The following ZNF536 variants were observed in gnomAD, a reference collection of about 807,000 sequenced individuals.
ZNF536 encodes zinc finger protein 536.
ZNF536 carries 13 observed loss-of-function variants against 84.5 expected under a neutral mutation model. The ratio of observed to expected loss-of-function variants is 0.15; its 90% CI spans 0.10 to 0.24. The LOEUF is 0.24. Ranked by LOEUF, ZNF536 falls within the 10% of genes least tolerant of loss-of-function variation. The probability of loss-of-function intolerance (pLI) is 1.00; values close to 1 mark genes in which losing one functional copy is unlikely to be tolerated. For synonymous variants in ZNF536, 811 were observed against 742.5 expected (o/e 1.09, Z -1.50); for missense variants, 1,536 against 1,747.5 (o/e 0.88, Z 2.16).
At chr19:30,522,896 G>A (rs1276093998) in intron 2 of ZNF536, among the ~76,000 whole-genome samples, 2 of 152,170 alleles carry the variant, frequency 1.3e-5, no homozygotes, top group Non-Finnish European at 2.9e-5. Context: ...GCAACCGTTA[G>A]TATCATCTGG....
chr19:30,237,308 A>G (rs1287771124), intron 1 of ZNF536, among the ~76,000 whole-genome samples: 1 of 152,038 alleles, frequency 6.6e-6, no homozygotes, highest in Non-Finnish European at 1.5e-5. Context: ...AGACTTTCGC[A>G]TTGGAATCTG....
intron 2 of ZNF536, among the ~76,000 whole-genome samples, chr19:30,455,979 A>G (rs936624707): frequency 3.3e-5 from 5 of 152,204 alleles, no homozygotes; most frequent in Non-Finnish European, 7.3e-5. Flanking sequence ...TTTTCCTGTA[A>G]AGAACCAGCT....
intron 2 of ZNF536, among the ~76,000 whole-genome samples, chr19:30,502,314 AGGGTAGGGCTGGCTG>A (rs1024539131): frequency 4.6e-5 from 7 of 152,154 alleles, no homozygotes; most frequent in Non-Finnish European, 1.0e-4. Context: ...CTCTGGAACA[AGGGTAGGGCTGGCTG>A]GCAGTGTGGG....
chr19:30,392,863 C>G (rs2049656421), intron 1 of ZNF536, among the ~76,000 whole-genome samples: 1 of 152,130 alleles, frequency 6.6e-6, no homozygotes, highest in Non-Finnish European at 1.5e-5. Context: ...GGTGCACGCT[C>G]ATTTAATTTT....
At chr19:30,301,323 G>A (rs1048152746) in intron 2 of ZNF536, among the ~76,000 whole-genome samples, 4 of 152,200 alleles carry the variant, frequency 2.6e-5, no homozygotes, top group Non-Finnish European at 5.9e-5. Flanking sequence ...CGTGCACTGT[G>A]CCTCTGAGCC....
At chr19:30,662,106 T>C (rs76326052) in intron 1 of ZNF536, among the ~76,000 whole-genome samples, 3,098 of 152,332 alleles carry the variant, frequency 0.02, 104 homozygotes, top group African/African-American at 0.071. Flanking sequence ...GTCCCTCCGA[T>C]GCCATCTCCT....
chr19:30,365,658 G>A (rs2048405338), intron 3 of ZNF536, among the ~76,000 whole-genome samples: 1 of 152,174 alleles, frequency 6.6e-6, no homozygotes. Flanking sequence ...GGCACTCCCT[G>A]TGAGGCTCTG....
At chr19:30,528,917 G>A (rs2044694711) in intron 2 of ZNF536, among the ~76,000 whole-genome samples, 1 of 146,466 alleles carries the variant, frequency 6.8e-6, no homozygotes. Flanking sequence ...CGGGGAGAAT[G>A]AGAGGCCAAA....
intron 1 of ZNF536, among the ~76,000 whole-genome samples, chr19:30,261,650 G>A: frequency 7.1e-6 from 1 of 140,256 alleles, no homozygotes; most frequent in Non-Finnish European, 1.5e-5. Flanking sequence ...AGTGAGCTAT[G>A]ATCGCACCAC....
Position 30,236,268 on chromosome 19 carries a change from G to C in ZNF536, c.-190+7595G>C, listed in dbSNP as rs73543124. Reference sequence around the variant, plus strand: ...GTACTGAGGACTTGCATGTAGCTGGGAACAGTCTGAAGCCACAGCCTGCCT... The same window carrying C: ...GTACTGAGGACTTGCATGTAGCTGGCAACAGTCTGAAGCCACAGCCTGCCT... On this transcript the variant is annotated intron_variant, in intron 1 of 5. Coordinates refer to the ZNF536 transcript ENST00000585628. Among the ~76,000 whole-genome samples the C allele has an allele frequency of 8.5e-3, 1,301 of 152,328 alleles. 20 individuals carry two copies. Among genetic ancestry groups the C allele is most frequent in the African/African-American group, 0.03 (1,244 of 41,568 alleles).
chr19:30,577,253 G>A (rs112514919), intron 1 of ZNF536, among the ~76,000 whole-genome samples: 3,528 of 152,168 alleles, frequency 0.023, 117 homozygotes, highest in African/African-American at 0.065. Context: ...CATGGTTAAG[G>A]CCTTGTATGC....
At chr19:30,418,569 T>A (rs2050827393) in intron 1 of ZNF536, among the ~76,000 whole-genome samples, 1 of 152,220 alleles carries the variant, frequency 6.6e-6, no homozygotes, top group African/African-American at 2.4e-5. Flanking sequence ...CTTTACTCAC[T>A]TCAATTACAT....
chr19:30,443,518 C>T (rs990999147), intron 1 of ZNF536, 43 bp from the exon 2 acceptor site: 2 of 1,505,318 alleles, frequency 1.3e-6, no homozygotes, highest in Non-Finnish European at 8.9e-7. Context: ...CATGGCGCCA[C>T]AGCCGCACCT....
chr19:30,261,751 A>T lies in ZNF536; in HGVS notation c.-189-22321A>T, dbSNP rs180799890. Among the ~76,000 whole-genome samples, 893 of 151,872 alleles carry T rather than the reference A, an allele frequency of 5.9e-3. 6 individuals are homozygous for T. The highest frequency in any genetic ancestry group is 0.026 in the South Asian group (126 of 4,774). ...AAAGTGAGTTGATTTAAAGTTAATT[A>T]AAAAAAAGTATTAAGTAAATAAAGG... On this transcript the variant is annotated intron_variant, in intron 1 of 5. Transcript: ENST00000585628.
At chr19:30,268,733 A>G (rs963210408) in intron 1 of ZNF536, among the ~76,000 whole-genome samples, 13 of 152,236 alleles carry the variant, frequency 8.5e-5, no homozygotes, top group African/African-American at 2.9e-4. Context: ...GTTGAAATAA[A>G]TTGGAGAATG....
chr19:30,310,298 T>C (rs555741621), intron 2 of ZNF536, among the ~76,000 whole-genome samples: 16 of 152,374 alleles, frequency 1.1e-4, no homozygotes. Context: ...AGTTATTTGT[T>C]CTGGTGTATT....
At chr19:30,461,085 C>A (rs2053113998) in intron 2 of ZNF536, among the ~76,000 whole-genome samples, 1 of 152,160 alleles carries the variant, frequency 6.6e-6, no homozygotes, top group Non-Finnish European at 1.5e-5. Flanking sequence ...CTGGCATGGG[C>A]TCCCATTTCC....
intron 2 of ZNF536, among the ~76,000 whole-genome samples, chr19:30,332,992 G>C (rs2047263386): frequency 6.6e-6 from 1 of 152,140 alleles, no homozygotes; most frequent in Non-Finnish European, 1.5e-5. Context: ...TGAGGCGGGA[G>C]GATAGCTTGA....
At chr19:30,454,252 C>G (rs1222466821) in intron 2 of ZNF536, among the ~76,000 whole-genome samples, 1 of 152,214 alleles carries the variant, frequency 6.6e-6, no homozygotes, top group Non-Finnish European at 1.5e-5. Context: ...TTTCTTTTGT[C>G]TGACCTCAGT....
Sources: gnomAD v4.1 joint callset for allele counts (sites outside exome capture counted in the v4.1 genomes callset) on GRCh38, gnomAD v4.1.1 for gene constraint, MANE v1.5 for transcripts, NCBI Gene and HGNC (gene_info 2026-07-23, HGNC 2026-07-21) for gene names.